SMCO4: variants seen among roughly 807,000 people sequenced by gnomAD.
SMCO4 encodes single-pass membrane protein with coiled-coil domains 4.
Under a neutral mutation model 3.6 loss-of-function variants are expected in SMCO4, and 4 were observed. The observed-to-expected ratio is 1.11, with a 90% CI of 0.54 to 2.53. The LOEUF (loss-of-function observed/expected upper bound fraction) is 2.53. Ranked by LOEUF, SMCO4 falls within the 30% of genes most tolerant of loss-of-function variation. The pLI is 0.02. For synonymous variants in SMCO4, 36 were observed against 35.3 expected (o/e 1.02, Z -0.07); for missense variants, 70 against 80.8 (o/e 0.87, Z 0.51).
chr11:93,521,837 G>T (rs937675709), intron 1 of SMCO4, among the ~76,000 whole-genome samples: 6 of 152,154 alleles, frequency 3.9e-5, no homozygotes, highest in Non-Finnish European at 8.8e-5. Context: ...CAAGGACTTC[G>T]CAATCTAGCC....
chr11:93,553,863 A>G, the SMCO4 span, among the ~76,000 whole-genome samples: 1 of 152,168 alleles, frequency 6.6e-6, no homozygotes, highest in East Asian at 1.9e-4. Flanking sequence ...TCCTAGCCTT[A>G]CCTTTATTTG....
At chr11:93,534,818 G>A (rs1316394725) in intron 1 of SMCO4, among the ~76,000 whole-genome samples, 3 of 152,178 alleles carry the variant, frequency 2.0e-5, no homozygotes, top group Admixed American at 6.5e-5. Flanking sequence ...ATTCATGGAA[G>A]CCACCAGACG....
chr11:93,535,584 CA>C, intron 1 of SMCO4: 1 of 1,527,680 alleles, frequency 6.5e-7, no homozygotes, highest in Non-Finnish European at 9.1e-7. Flanking sequence ...GAACCAAATC[CA>C]TTCCAAAGAA....
chr11:93,534,267 C>T (rs1337358984), intron 1 of SMCO4, among the ~76,000 whole-genome samples: 2 of 143,782 alleles, frequency 1.4e-5, no homozygotes, highest in African/African-American at 5.2e-5. Context: ...CACACAAACA[C>T]ATATATATAT....
chr11:93,516,913 C>G (rs1656222544), intron 1 of SMCO4, among the ~76,000 whole-genome samples: 1 of 151,962 alleles, frequency 6.6e-6, no homozygotes, highest in Admixed American at 6.6e-5. Flanking sequence ...ACTTCTTTAC[C>G]AGTGAAAGTC....
At chr11:93,508,954 T>C (rs1026877872) in intron 1 of SMCO4, among the ~76,000 whole-genome samples, 42 of 152,230 alleles carry the variant, frequency 2.8e-4, no homozygotes, top group African/African-American at 9.4e-4. Context: ...TTATACCAAT[T>C]AAGAACAGAG....
chr11:93,481,547 C>T, intron 2 of SMCO4: 3 of 983,408 alleles, frequency 3.1e-6, no homozygotes, highest in Non-Finnish European at 3.6e-6. Flanking sequence ...ACCCCAACGG[C>T]CCTGTGAGTC....
At chr11:93,489,012 C>T (rs1948683759) in intron 2 of SMCO4, among the ~76,000 whole-genome samples, 1 of 152,090 alleles carries the variant, frequency 6.6e-6, no homozygotes, top group African/African-American at 2.4e-5. Context: ...AGAGCAGTTT[C>T]AGTGAAGAGG....
At chr11:93,493,144 G>A (rs1290748441) in intron 2 of SMCO4, among the ~76,000 whole-genome samples, 2 of 152,060 alleles carry the variant, frequency 1.3e-5, no homozygotes, top group Non-Finnish European at 2.9e-5. Flanking sequence ...GAATGGTTTC[G>A]GCAATGGCAC....
chr11:93,542,691 C>T (rs1367101169), intron 1 of SMCO4, among the ~76,000 whole-genome samples: 1 of 152,176 alleles, frequency 6.6e-6, no homozygotes, highest in East Asian at 1.9e-4. Flanking sequence ...GGGTCGGTCC[C>T]GAAAGAACGG....
At chr11:93,534,247 C>T (rs1362192240) in intron 1 of SMCO4, among the ~76,000 whole-genome samples, 27 of 56,782 alleles carry the variant, frequency 4.8e-4, no homozygotes, top group Non-Finnish European at 7.9e-4. Context: ...CACACACACA[C>T]ACACACACAC....
At chr11:93,500,441 C>G (rs1948824433) in intron 1 of SMCO4, among the ~76,000 whole-genome samples, 1 of 152,160 alleles carries the variant, frequency 6.6e-6, no homozygotes, top group Non-Finnish European at 1.5e-5. Context: ...CATATTTTTC[C>G]ATTAGTTCCT....
At chr11:93,533,132 G>C (rs1287637150) in intron 1 of SMCO4, among the ~76,000 whole-genome samples, 1 of 152,142 alleles carries the variant, frequency 6.6e-6, no homozygotes, top group African/African-American at 2.4e-5. Context: ...TCATTTATTC[G>C]ATAAATAATA....
upstream of SMCO4, among the ~76,000 whole-genome samples, chr11:93,547,369 C>A (rs1288776501): frequency 5.9e-5 from 9 of 152,180 alleles, no homozygotes; most frequent in African/African-American, 2.2e-4. Context: ...GAAAGTTGAT[C>A]AAGGATAACA....
At chr11:93,524,515 G>A (rs984461328) in intron 1 of SMCO4, among the ~76,000 whole-genome samples, 2 of 152,184 alleles carry the variant, frequency 1.3e-5, no homozygotes, top group South Asian at 2.1e-4. Context: ...AGATGATGAC[G>A]ACCACTCCCT....
At chr11:93,480,964 C>T (rs895471436) in intron 2 of SMCO4, among the ~76,000 whole-genome samples, 11 of 151,460 alleles carry the variant, frequency 7.3e-5, no homozygotes, top group African/African-American at 2.2e-4. Flanking sequence ...CAAAAGCAAA[C>T]ATTAAGGTTC....
At chr11:93,539,113 G>C (rs1459412570) in intron 1 of SMCO4, among the ~76,000 whole-genome samples, 1 of 152,150 alleles carries the variant, frequency 6.6e-6, no homozygotes, top group African/African-American at 2.4e-5. Context: ...ACATCTGTGT[G>C]TTGGGAATAG....
chr11:93,499,752 T>A (rs1227170133), intron 1 of SMCO4, among the ~76,000 whole-genome samples: 1 of 152,114 alleles, frequency 6.6e-6, no homozygotes, highest in East Asian at 1.9e-4. Flanking sequence ...AGGTTTGGGA[T>A]TAGAAAAGAA....
chr11:93,514,421 T>TATATAA lies in SMCO4; in HGVS notation c.-153-15074_-153-15073insTTATAT, dbSNP rs1271205813. 2.0e-3 allele frequency among the ~76,000 whole-genome samples: 105 copies of TATATAA among 53,404 alleles called. 3 individuals carry two copies. The highest frequency in any genetic ancestry group is 6.7e-3 in the African/African-American group (94 of 13,928). 35.0% of individuals were successfully genotyped at this position (53,404 alleles called of 152,430 possible). ...ATATATATATATATATATATATATATAAAATTTGGTCTCTTCCAAAGATCA... is the reference window on the plus strand; with the variant it reads ...ATATATATATATATATATATATATATATATAAAAAATTTGGTCTCTTCCAAAGATCA... On this transcript the variant is annotated intron_variant, in intron 1 of 2. Transcript: ENST00000298966.
Sources: allele counts gnomAD v4.1 joint callset (sites outside exome capture counted in the v4.1 genomes callset), GRCh38; gene constraint gnomAD v4.1.1; transcripts MANE v1.5; gene names NCBI Gene and HGNC (gene_info 2026-07-23, HGNC 2026-07-21).